The following ATRNL1 variants were observed in gnomAD, a reference collection of about 807,000 sequenced individuals.
The protein encoded by ATRNL1 is attractin like 1.
In ATRNL1, 95 loss-of-function variants were observed where a neutral mutation model predicts 182.7. The observed-to-expected ratio is 0.52, with a 90% CI of 0.44 to 0.62. ATRNL1 has a LOEUF of 0.62. Ranked by LOEUF, ATRNL1 falls within the 20% of genes least tolerant of loss-of-function variation. The probability of loss-of-function intolerance (pLI) is 0.00; values close to 1 mark genes in which losing one functional copy is unlikely to be tolerated. For synonymous variants in ATRNL1, 576 were observed against 568.3 expected (o/e 1.01, Z -0.19); for missense variants, 1,471 against 1,679.5 (o/e 0.88, Z 2.17).
At chr10:115,815,409 GTGTGTA>G (rs1413768598) in intron 27 of ATRNL1, among the ~76,000 whole-genome samples, 16 of 116,166 alleles carry the variant, frequency 1.4e-4, no homozygotes, top group East Asian at 7.8e-4. Flanking sequence ...TATGTGGTGT[GTGTGTA>G]TGTGTGTGTG....
At chr10:115,487,182 A>T (rs1849068260) in intron 24 of ATRNL1, among the ~76,000 whole-genome samples, 1 of 151,560 alleles carries the variant, frequency 6.6e-6, no homozygotes, top group African/African-American at 2.4e-5. Context: ...GATGCCTCCA[A>T]CTCTGTTCGT....
intron 15 of ATRNL1, among the ~76,000 whole-genome samples, chr10:115,294,216 G>A (rs1853064403): frequency 6.6e-6 from 1 of 152,146 alleles, no homozygotes; most frequent in Admixed American, 6.5e-5. Flanking sequence ...GGGCATGGTG[G>A]TGTGAACCTG....
At position 115,210,260 on chromosome 10, in the gene ATRNL1, A is replaced by G. The variant is rs188105661; in HGVS notation, c.1349-5437A>G. On this transcript the variant is annotated intron_variant, in intron 8 of 28. Transcript: ENST00000355044. ...TTTCTCTCATAGAAACATCTTGCAC[A>G]AATGTGTAACATCCTAAGTCTAGAT... 4.6e-5 allele frequency among the ~76,000 whole-genome samples: 7 copies of G among 152,134 alleles called. No homozygotes were observed. The East Asian group carries it at 1.4e-3, about 29-fold the overall frequency.
At chr10:115,303,381 T>C in intron 17 of ATRNL1, among the ~76,000 whole-genome samples, 1 of 151,950 alleles carries the variant, frequency 6.6e-6, no homozygotes, top group South Asian at 2.1e-4. Context: ...TGTGCCACCA[T>C]GCCCAGCTAA....
At position 115,301,960 on chromosome 10, in the gene ATRNL1, C is replaced by A; in HGVS notation, c.2735C>A (p.Thr912Lys). ...NGMECMWCSS[T>K]KRCVDSNAYI... The stretch of plus-strand genomic sequence containing the variant: ...ATGGAGTGTATGTGGTGCAGCAGTA[C>A]GAAACGATGTGTTGACTCTAATGCC... Residue 912 changes from threonine (T) to lysine (K), a missense_variant, in exon 17 of 29, where the codon ACG (threonine) becomes AAG (lysine). By Grantham distance (78) the Thr-to-Lys change is moderately conservative (BLOSUM62 -1). This residue lies in a region of ATRNL1 where 1,031 missense variants were observed against 1,156.0 expected (regional missense o/e 0.89). Coordinates refer to ENST00000355044, the MANE Select transcript of ATRNL1 (RefSeq NM_207303.4). 6.2e-7 allele frequency: 1 copy of A among 1,614,098 alleles called. No individual in the cohort carries two copies. The highest frequency in any genetic ancestry group is 8.5e-7 in the Non-Finnish European group (1 of 1,179,956).
In ATRNL1 at chr10:115,559,414, T is replaced by TTGTGTGTG. The variant is rs138709567; in HGVS notation, c.3795+9901_3795+9908dup. Among the ~76,000 whole-genome samples, 860 of 147,634 alleles carry TTGTGTGTG rather than the reference T, an allele frequency of 5.8e-3. 11 individuals are homozygous for TTGTGTGTG. Among genetic ancestry groups the TTGTGTGTG allele is most frequent in the African/African-American group, 0.018 (738 of 40,358 alleles). ...CCTGACATACTCTCATTCTTGGTGT[T>TTGTGTGTG]TGTGTGTGTGTGTGTGTGTGTGTGT... On this transcript the variant is annotated intron_variant, in intron 26 of 28. Transcript: ENST00000355044.
intron 19 of ATRNL1, among the ~76,000 whole-genome samples, chr10:115,382,141 C>A (rs1858050082): frequency 6.6e-6 from 1 of 152,090 alleles, no homozygotes; most frequent in Non-Finnish European, 1.5e-5. Context: ...GAGTCTCCAA[C>A]TTTATTCTTC....
chr10:115,885,883 T>G (rs1951932870), intron 28 of ATRNL1, among the ~76,000 whole-genome samples: 1 of 152,218 alleles, frequency 6.6e-6, no homozygotes, highest in Non-Finnish European at 1.5e-5. Flanking sequence ...TTTCTATCAT[T>G]TTACTATTCA....
intron 17 of ATRNL1, among the ~76,000 whole-genome samples, chr10:115,308,443 A>C (rs1199759023): frequency 5.9e-5 from 9 of 152,154 alleles, no homozygotes; most frequent in African/African-American, 2.2e-4. Flanking sequence ...GTTATCTCAC[A>C]AATCTGTATT....
At chr10:115,354,706 C>G (rs1018050802) in intron 19 of ATRNL1, among the ~76,000 whole-genome samples, 8 of 152,044 alleles carry the variant, frequency 5.3e-5, no homozygotes, top group Non-Finnish European at 1.0e-4. Context: ...CTTTCACCTT[C>G]TTTACCTAAA....
At chr10:115,824,137 A>G (rs1013746522) in intron 27 of ATRNL1, among the ~76,000 whole-genome samples, 2 of 152,174 alleles carry the variant, frequency 1.3e-5, no homozygotes, top group Non-Finnish European at 2.9e-5. Context: ...CTCTACAACC[A>G]TCTGATGTTT....
chr10:115,587,227 C>T (rs1565190473), intron 26 of ATRNL1, among the ~76,000 whole-genome samples: 1 of 151,958 alleles, frequency 6.6e-6, no homozygotes. Context: ...GCCCTGCCCC[C>T]AGAGGTGGAG....
In ATRNL1 at chr10:115,543,833, A is replaced by G. The variant is rs782408995; in HGVS notation, c.3717-5625A>G. On this transcript the variant is annotated intron_variant, in intron 25 of 28. Transcript: ENST00000355044. Reference sequence around the variant, plus strand: ...CAAGTTATTGAAATATCTCTCCCTAAGTTTTTATGCTTCCCTTTTTTATTC... The same window carrying G: ...CAAGTTATTGAAATATCTCTCCCTAGGTTTTTATGCTTCCCTTTTTTATTC... Among the ~76,000 whole-genome samples the G allele has an allele frequency of 1.4e-4, 22 of 152,154 alleles. No individual in the cohort carries two copies. The Middle Eastern group carries it at 0.017, about 118-fold the overall frequency.
At chr10:115,451,555 T>C (rs1226687161) in intron 21 of ATRNL1, among the ~76,000 whole-genome samples, 2 of 152,026 alleles carry the variant, frequency 1.3e-5, no homozygotes, top group Admixed American at 1.3e-4. Flanking sequence ...CAAAACCACA[T>C]TGAGATACCA....
chr10:115,585,215 C>T (rs373310082), intron 26 of ATRNL1, among the ~76,000 whole-genome samples: 3,601 of 65,078 alleles, frequency 0.055, 41 homozygotes, highest in Middle Eastern at 0.12. Flanking sequence ...CTGAAAAAAA[C>T]GTATATTCTG....
chr10:115,340,716 G>A (rs1855714964), intron 19 of ATRNL1, among the ~76,000 whole-genome samples: 1 of 151,178 alleles, frequency 6.6e-6, no homozygotes, highest in African/African-American at 2.4e-5. Flanking sequence ...CTTGTTATTG[G>A]TCTGTTCAGG....
At chr10:115,098,403 G>A (rs2085069188) in intron 1 of ATRNL1, among the ~76,000 whole-genome samples, 1 of 145,358 alleles carries the variant, frequency 6.9e-6, no homozygotes, top group East Asian at 2.0e-4. Flanking sequence ...TCTGGTCTTT[G>A]CTTGGGTGAT....
chr10:115,323,296 C>T (rs1206628806), intron 18 of ATRNL1, among the ~76,000 whole-genome samples: 7 of 150,572 alleles, frequency 4.6e-5, no homozygotes, highest in African/African-American at 9.8e-5. Flanking sequence ...TGTTATTGTA[C>T]GTTTCTACTT....
At chr10:115,864,818 G>GA (rs1555104339) in intron 28 of ATRNL1, among the ~76,000 whole-genome samples, 2 of 151,816 alleles carry the variant, frequency 1.3e-5, no homozygotes, top group Non-Finnish European at 2.9e-5. Flanking sequence ...CCGTCTCTAT[G>GA]AAAAATACAA....
Sources: allele counts gnomAD v4.1 joint callset (sites outside exome capture counted in the v4.1 genomes callset), GRCh38; gene constraint gnomAD v4.1.1; regional missense constraint gnomAD v4.1.1; transcripts MANE v1.5; gene names NCBI Gene and HGNC (gene_info 2026-07-23, HGNC 2026-07-21).